Variants in SEPTIN7 observed in about 807,000 individuals in gnomAD.
The protein encoded by SEPTIN7 is septin 7.
A neutral mutation model predicts 63.3 loss-of-function variants in SEPTIN7; 10 were observed. The ratio of observed to expected loss-of-function variants is 0.16; its 90% CI spans 0.10 to 0.27. The LOEUF is 0.27. SEPTIN7 is among the 10% of genes least tolerant of loss of function. The pLI is 1.00. For missense variants in SEPTIN7, 310 were observed against 521.0 expected, an observed-to-expected ratio of 0.59 and a Z score of 3.94; for synonymous variants, 131 against 165.3, an observed-to-expected ratio of 0.79 and a Z score of 1.59.
At chr7:35,912,988 A>G in the SEPTIN7 span, among the ~76,000 whole-genome samples, 2 of 152,192 alleles carry the variant, frequency 1.3e-5, no homozygotes, top group Non-Finnish European at 2.9e-5. Context: ...TTTTGATATG[A>G]AAGTCCACCA....
chr7:35,806,899 CTT>C (rs1788377612), intron 1 of SEPTIN7, among the ~76,000 whole-genome samples: 1 of 152,178 alleles, frequency 6.6e-6, no homozygotes, highest in Non-Finnish European at 1.5e-5. Context: ...GTGTTTCACA[CTT>C]TGATAAATGA....
At chr7:35,907,888 C>A (rs554173704), downstream of SEPTIN7, among the ~76,000 whole-genome samples, 1 of 152,308 alleles carries the variant, frequency 6.6e-6, no homozygotes, top group African/African-American at 2.4e-5. Context: ...GTGAGGATTA[C>A]ATTGTGACTG....
intron 10 of SEPTIN7, among the ~76,000 whole-genome samples, chr7:35,889,023 G>T (rs1275594417): frequency 6.6e-6 from 1 of 152,122 alleles, no homozygotes; most frequent in African/African-American, 2.4e-5. Flanking sequence ...AAAGGTAATG[G>T]CATGTTCCTT....
intron 11 of SEPTIN7, among the ~76,000 whole-genome samples, chr7:35,895,855 G>A (rs1223232967): frequency 2.0e-5 from 3 of 152,182 alleles, no homozygotes; most frequent in Non-Finnish European, 2.9e-5. Context: ...CTGTCAGCCA[G>A]GCTGGAGTAC....
At chr7:35,802,341 C>G in intron 1 of SEPTIN7, 2 of 237,236 alleles carry the variant, frequency 8.4e-6, no homozygotes, top group Non-Finnish European at 1.8e-5. Flanking sequence ...GAAGAGTACA[C>G]TGTTTCAAAT....
At chr7:35,908,039 T>G (rs367678357), downstream of SEPTIN7, among the ~76,000 whole-genome samples, 2 of 152,212 alleles carry the variant, frequency 1.3e-5, no homozygotes, top group Admixed American at 6.5e-5. Flanking sequence ...TGGATCTGCT[T>G]CTTTGTGCAC....
chr7:35,830,699 G>A (rs1314587375), intron 1 of SEPTIN7, among the ~76,000 whole-genome samples: 2 of 152,190 alleles, frequency 1.3e-5, no homozygotes, highest in Non-Finnish European at 2.9e-5. Context: ...GACTCCAGTT[G>A]TTTGAAGTGG....
At chr7:35,874,547 T>G (rs1786354267) in intron 6 of SEPTIN7, among the ~76,000 whole-genome samples, 1 of 152,142 alleles carries the variant, frequency 6.6e-6, no homozygotes, top group Non-Finnish European at 1.5e-5. Flanking sequence ...CCACCATCTC[T>G]CCACCAAAAG....
intron 1 of SEPTIN7, among the ~76,000 whole-genome samples, chr7:35,821,126 C>T (rs1191138192): frequency 6.6e-6 from 1 of 152,094 alleles, no homozygotes. Flanking sequence ...TGATGGTTTT[C>T]AAGGCTACTG....
chr7:35,816,653 C>T (rs1583496738), intron 1 of SEPTIN7, among the ~76,000 whole-genome samples: 2 of 152,112 alleles, frequency 1.3e-5, no homozygotes, highest in East Asian at 3.8e-4. Flanking sequence ...TGAAGAACTG[C>T]CTGACTGCCG....
chr7:35,898,795 AAAAG>A (rs1265400720), intron 12 of SEPTIN7: 2 of 153,278 alleles, frequency 1.3e-5, no homozygotes, highest in African/African-American at 4.8e-5. Context: ...GTATGAGTGA[AAAAG>A]AGGGAAATAA....
Position 35,801,134 on chromosome 7 carries a change from G to A in SEPTIN7, c.-76G>A, listed in dbSNP as rs1039402756. 1 of 1,270,368 alleles carries A rather than the reference G, an allele frequency of 7.9e-7. No homozygotes were observed. The highest frequency in any genetic ancestry group is 1.5e-5 in the South Asian group (1 of 65,530). 78.7% of individuals were successfully genotyped at this position (1,270,368 alleles called of 1,614,324 possible). On this transcript the variant is annotated 5_prime_UTR_variant, in exon 1 of 14. Transcript: ENST00000350320. ...GGCAGCTACGCCGGGCGGCTACGCTGCGGAATCGGCGTAGGCGCCTTTGGA... is the reference window on the plus strand; with the variant it reads ...GGCAGCTACGCCGGGCGGCTACGCTACGGAATCGGCGTAGGCGCCTTTGGA...
intron 3 of SEPTIN7, among the ~76,000 whole-genome samples, chr7:35,841,459 G>A (rs1231880029): frequency 1.3e-5 from 2 of 151,942 alleles, no homozygotes; most frequent in African/African-American, 2.4e-5. Flanking sequence ...CTCCAGTGTC[G>A]AAAAACACAG....
intron 1 of SEPTIN7, among the ~76,000 whole-genome samples, chr7:35,823,710 C>T (rs1304964787): frequency 1.3e-5 from 2 of 152,182 alleles, no homozygotes; most frequent in Non-Finnish European, 2.9e-5. Flanking sequence ...GATCACATGG[C>T]TTCAGGGATA....
chr7:35,857,845 A>G (rs1785283228), intron 3 of SEPTIN7, among the ~76,000 whole-genome samples: 1 of 152,004 alleles, frequency 6.6e-6, no homozygotes, highest in Non-Finnish European at 1.5e-5. Flanking sequence ...AAAGGGAGAA[A>G]CCTTCATCAC....
At chr7:35,818,804 G>A (rs1275571458) in intron 1 of SEPTIN7, among the ~76,000 whole-genome samples, 1 of 151,432 alleles carries the variant, frequency 6.6e-6, no homozygotes, top group South Asian at 2.1e-4. Context: ...TGAAAGGTTG[G>A]TAGTGATTTC....
intron 3 of SEPTIN7, among the ~76,000 whole-genome samples, chr7:35,856,219 A>G (rs1181762011): frequency 6.6e-6 from 1 of 152,244 alleles, no homozygotes; most frequent in Non-Finnish European, 1.5e-5. Flanking sequence ...TAGAATTATA[A>G]TAATGGAATT....
intron 13 of SEPTIN7, among the ~76,000 whole-genome samples, chr7:35,903,935 TGTTTGCTGCCAGTTGATACTTTTTA>T (rs1482893537): frequency 6.6e-6 from 1 of 152,176 alleles, no homozygotes; most frequent in African/African-American, 2.4e-5. Context: ...AAGAATACCC[TGTTTGCTGCCAGTTGATACTTTTTA>T]GTTTGTGCTG....
chr7:35,914,437 G>T, the SEPTIN7 span, among the ~76,000 whole-genome samples: 49 of 152,222 alleles, frequency 3.2e-4, no homozygotes, highest in African/African-American at 1.1e-3. Flanking sequence ...GGCCTTAAAA[G>T]AAATAAGGCT....
Sources: allele counts gnomAD v4.1 joint callset (sites outside exome capture counted in the v4.1 genomes callset), GRCh38; gene constraint gnomAD v4.1.1; transcripts MANE v1.5; gene names NCBI Gene and HGNC (gene_info 2026-07-23, HGNC 2026-07-21).